ERC2: variants seen among roughly 807,000 people sequenced by gnomAD.
The protein encoded by ERC2 is ELKS/RAB6-interacting/CAST family member 2, also known as ERC protein 2.
Under a neutral mutation model 114.8 loss-of-function variants are expected in ERC2, and 42 were observed. The observed-to-expected ratio is 0.37, with a 90% CI of 0.29 to 0.47. The LOEUF (loss-of-function observed/expected upper bound fraction) is 0.47, where lower values mean the gene tolerates loss of function less well. Ranked by LOEUF, ERC2 falls within the 20% of genes least tolerant of loss-of-function variation. The probability of loss-of-function intolerance (pLI) is 0.99; values close to 1 mark genes in which losing one functional copy is unlikely to be tolerated. For missense variants in ERC2, 939 were observed against 1,150.7 expected, an observed-to-expected ratio of 0.82 and a Z score of 2.66; for synonymous variants, 454 against 425.5, an observed-to-expected ratio of 1.07 and a Z score of -0.82.
At chr3:55,704,157 C>G (rs1168192759) in intron 15 of ERC2, among the ~76,000 whole-genome samples, 1 of 152,196 alleles carries the variant, frequency 6.6e-6, no homozygotes. Context: ...TACTCCAACT[C>G]TTTTGACATT....
intron 12 of ERC2, among the ~76,000 whole-genome samples, chr3:55,957,834 T>C (rs1295406544): frequency 1.3e-5 from 2 of 152,166 alleles, no homozygotes; most frequent in East Asian, 3.9e-4. Flanking sequence ...CGGTGGTACC[T>C]GGAAGCTTGG....
At chr3:55,689,219 C>T (rs1195235199) in intron 16 of ERC2, among the ~76,000 whole-genome samples, 1 of 150,848 alleles carries the variant, frequency 6.6e-6, no homozygotes, top group Non-Finnish European at 1.5e-5. Flanking sequence ...GTGGCCTTTT[C>T]CTCCACTTCT....
chr3:56,105,293 G>A (rs973329497), intron 6 of ERC2, among the ~76,000 whole-genome samples: 1 of 151,978 alleles, frequency 6.6e-6, no homozygotes, highest in Non-Finnish European at 1.5e-5. Context: ...TCACTGGAGG[G>A]TTTTTTGTTA....
chr3:55,829,322 G>A (rs762350479), intron 14 of ERC2, among the ~76,000 whole-genome samples: 1 of 152,040 alleles, frequency 6.6e-6, no homozygotes, highest in African/African-American at 2.4e-5. Flanking sequence ...TGGAAAGATC[G>A]ATCTCAGAAG....
At chr3:56,418,097 G>A (rs1434062568) in intron 2 of ERC2, among the ~76,000 whole-genome samples, 1 of 151,940 alleles carries the variant, frequency 6.6e-6, no homozygotes, top group African/African-American at 2.4e-5. Context: ...GACCAGCCTG[G>A]CCAACATAGC....
intron 16 of ERC2, 97 bp downstream of exon 16, chr3:55,699,281 C>G (rs553830021): frequency 6.8e-7 from 1 of 1,479,652 alleles, no homozygotes; most frequent in Admixed American, 1.7e-5. Flanking sequence ...GAACGTATCA[C>G]TTTATGATGT....
chr3:56,396,530 AG>A (rs1202569054), intron 2 of ERC2, among the ~76,000 whole-genome samples: 1 of 152,222 alleles, frequency 6.6e-6, no homozygotes, highest in Non-Finnish European at 1.5e-5. Context: ...TCAACAAAAA[AG>A]GCAAGTTAGG....
Position 55,875,722 on chromosome 3 carries a change from A to T in ERC2, c.2564+12667T>A, listed in dbSNP as rs111765515. On this transcript the variant is annotated intron_variant, in intron 14 of 17. Transcript: ENST00000288221. ...CACACACACACACACACACACACAC[A>T]CACTCTCTCTCTCTCACCCCTCTTC... Among the ~76,000 whole-genome samples, 299 of 143,684 alleles carry T rather than the reference A, an allele frequency of 2.1e-3. 1 individual carries two copies. Among genetic ancestry groups the T allele is most frequent in the South Asian group, 3.5e-3 (16 of 4,566 alleles). The allele number at this position is 143,684 out of a possible 152,430, so 94.3% of individuals were successfully genotyped here. A position where few individuals can be genotyped will look rare whatever the true frequency, so the allele number is the denominator to read the frequency against.
intron 6 of ERC2, among the ~76,000 whole-genome samples, chr3:56,114,600 T>G (rs1036609342): frequency 1.3e-5 from 2 of 152,132 alleles, no homozygotes; most frequent in African/African-American, 4.8e-5. Flanking sequence ...TTATAAAGGA[T>G]ACAACCCAGG....
At chr3:55,847,462 T>A (rs997745767) in intron 14 of ERC2, among the ~76,000 whole-genome samples, 1 of 152,160 alleles carries the variant, frequency 6.6e-6, no homozygotes, top group Non-Finnish European at 1.5e-5. Context: ...ACACTTGACA[T>A]CCATTCACAG....
chr3:55,621,881 C>T (rs2059343821), intron 17 of ERC2, among the ~76,000 whole-genome samples: 1 of 152,154 alleles, frequency 6.6e-6, no homozygotes, highest in African/African-American at 2.4e-5. Context: ...TCCAGAGCAT[C>T]ACATCCCTGC....
chr3:55,831,861 G>A (rs2060614521), intron 14 of ERC2, among the ~76,000 whole-genome samples: 1 of 152,228 alleles, frequency 6.6e-6, no homozygotes, highest in Non-Finnish European at 1.5e-5. Context: ...TCAAAGAAAG[G>A]GGTGACAGAC....
intron 17 of ERC2, among the ~76,000 whole-genome samples, chr3:55,595,824 C>A (rs1341295804): frequency 2.6e-5 from 4 of 152,154 alleles, no homozygotes; most frequent in African/African-American, 7.2e-5. Flanking sequence ...GAGAGTATGG[C>A]AGTTTATAAA....
chr3:56,022,747 G>T (rs150027055), intron 7 of ERC2, among the ~76,000 whole-genome samples: 1 of 152,150 alleles, frequency 6.6e-6, no homozygotes, highest in Admixed American at 6.5e-5. Context: ...GTTTTTTTGA[G>T]AAATTTCATA....
At chr3:55,831,888 G>A (rs966615143) in intron 14 of ERC2, among the ~76,000 whole-genome samples, 1 of 152,204 alleles carries the variant, frequency 6.6e-6, no homozygotes, top group African/African-American at 2.4e-5. Flanking sequence ...TGGAAAATCG[G>A]GTCACTCCCA....
intron 17 of ERC2, among the ~76,000 whole-genome samples, chr3:55,647,525 G>C (rs1331583132): frequency 2.0e-5 from 3 of 152,068 alleles, no homozygotes; most frequent in Non-Finnish European, 4.4e-5. Flanking sequence ...AATATACCCT[G>C]GCTTTCTGTG....
intron 17 of ERC2, among the ~76,000 whole-genome samples, chr3:55,525,066 T>C (rs1376760631): frequency 1.3e-5 from 2 of 152,188 alleles, no homozygotes; most frequent in Admixed American, 1.3e-4. Context: ...TTATCCTCAG[T>C]CCTGACCAAA....
chr3:55,640,111 C>A (rs2060116344), intron 17 of ERC2, among the ~76,000 whole-genome samples: 1 of 152,200 alleles, frequency 6.6e-6, no homozygotes, highest in Non-Finnish European at 1.5e-5. Flanking sequence ...ACTTCACCTC[C>A]CCCGCAGAGA....
chr3:56,348,920 GAAGGAAGGAAGGAAGGAAGGAAGGAAGGA>G (rs1386437900), intron 2 of ERC2, among the ~76,000 whole-genome samples: 30 of 135,516 alleles, frequency 2.2e-4, no homozygotes, highest in African/African-American at 8.7e-4. Context: ...AGGAAGGAAG[GAAGGAAGGAAGGAAGGAAGGAAGGAAGGA>G]AGGAAGGAAA....
Sources: allele counts gnomAD v4.1 joint callset (sites outside exome capture counted in the v4.1 genomes callset), GRCh38; gene constraint gnomAD v4.1.1; transcripts MANE v1.5; gene names NCBI Gene and HGNC (gene_info 2026-07-23, HGNC 2026-07-21).